The following NBPF15 variants were observed in gnomAD, a reference collection of about 807,000 sequenced individuals.
NBPF15 encodes the protein NBPF member 15.
A neutral mutation model predicts 62.2 loss-of-function variants in NBPF15; 74 were observed. The ratio of observed to expected loss-of-function variants is 1.19; its 90% CI spans 0.99 to 1.44. The LOEUF is 1.44. NBPF15 is among the 40% of genes most tolerant of loss of function. The pLI, the probability that NBPF15 is intolerant of heterozygous loss-of-function variation, is 0.00. For synonymous variants in NBPF15, 244 were observed against 209.7 expected (o/e 1.16, Z -1.41); for missense variants, 790 against 550.0 (o/e 1.44, Z -4.36).
At chr1:144,427,573 C>T (rs1220961871) in intron 16 of NBPF15, among the ~76,000 whole-genome samples, 10 of 147,232 alleles carry the variant, frequency 6.8e-5, no homozygotes, top group Admixed American at 2.0e-4. Context: ...CCAGGTCCAA[C>T]GTCATGAGAG....
intron 6 of NBPF15, among the ~76,000 whole-genome samples, chr1:144,445,356 C>T (rs55908578): frequency 0.18 from 10,032 of 54,400 alleles, 390 homozygotes; most frequent in Non-Finnish European, 0.22. Flanking sequence ...TATATATATA[C>T]ACACACACAC....
At chr1:144,442,235 T>TA (rs1683925431) in intron 6 of NBPF15, among the ~76,000 whole-genome samples, 1 of 117,980 alleles carries the variant, frequency 8.5e-6, no homozygotes, top group East Asian at 2.2e-4. Context: ...ATATTAATAA[T>TA]ATATATTATT....
At chr1:144,456,255 G>A (rs1165284746) in intron 4 of NBPF15, among the ~76,000 whole-genome samples, 1 of 151,776 alleles carries the variant, frequency 6.6e-6, no homozygotes, top group African/African-American at 2.4e-5. Context: ...GGAAGAGCAA[G>A]GAGTGGGATG....
chr1:144,456,625 C>G lies in NBPF15; in HGVS notation c.-520G>C. The G allele has an allele frequency of 1.3e-6, 2 of 1,495,784 alleles. No individual in the cohort carries two copies. Among genetic ancestry groups the G allele is most frequent in the Non-Finnish European group, 1.8e-6 (2 of 1,116,118 alleles). The allele number at this position is 1,495,784 out of a possible 1,614,324, so 92.7% of individuals were successfully genotyped here. On this transcript the variant is annotated 5_prime_UTR_variant, in exon 4 of 22. Coordinates refer to ENST00000581897, the MANE Select transcript of NBPF15 (RefSeq NM_001385408.1). Reference sequence around the variant, plus strand: ...TGGGGAAGTTTCTACATCAGTACCTCGGAGAGTCCACTGGAAGCCCTGGAC... The same window carrying G: ...TGGGGAAGTTTCTACATCAGTACCTGGGAGAGTCCACTGGAAGCCCTGGAC...
chr1:144,449,313 C>G (rs182361385), intron 5 of NBPF15, among the ~76,000 whole-genome samples: 1 of 151,924 alleles, frequency 6.6e-6, no homozygotes, highest in Non-Finnish European at 1.5e-5. Flanking sequence ...AAACATCTAC[C>G]TATTCTATGA....
rs1341738464 is a variant in NBPF15, at chr1:144,438,741, A to G, written c.176-694T>C. On this transcript the variant is annotated intron_variant, in intron 8 of 21. Transcript: ENST00000581897. ...TGTAATTCACTGCAGCAATTTACAG[A>G]GGTAGGTATTATTGTAGTACCCTCT... is the stretch of plus-strand genomic sequence containing the variant. Among the ~76,000 whole-genome samples the G allele has an allele frequency of 2.6e-4, 40 of 152,036 alleles. 1 individual carries two copies. Among genetic ancestry groups the G allele is most frequent in the Non-Finnish European group, 1.9e-4 (13 of 67,950 alleles).
At chr1:144,427,463 T>C (rs1289156700) in intron 16 of NBPF15, among the ~76,000 whole-genome samples, 1 of 150,200 alleles carries the variant, frequency 6.7e-6, no homozygotes, top group Admixed American at 6.6e-5. Flanking sequence ...TTGTTCATGG[T>C]AGCAAGGATT....
chr1:144,438,108 C>T (rs1168687646), intron 8 of NBPF15, 61 bp from the exon 9 acceptor site: 2 of 1,576,020 alleles, frequency 1.3e-6, no homozygotes, highest in African/African-American at 2.7e-5. Flanking sequence ...GTGGTCATTG[C>T]CTACAGGACA....
intron 6 of NBPF15, among the ~76,000 whole-genome samples, chr1:144,448,535 G>A (rs1204191871): frequency 6.6e-6 from 1 of 152,002 alleles, no homozygotes; most frequent in African/African-American, 2.4e-5. Flanking sequence ...GCAATATTTT[G>A]CAATAAAACC....
intron 3 of NBPF15, among the ~76,000 whole-genome samples, chr1:144,457,381 T>A (rs587755752): frequency 3.3e-4 from 50 of 152,068 alleles, no homozygotes; most frequent in Non-Finnish European, 5.9e-4. Flanking sequence ...CGCTAGGTTA[T>A]GCTACAGTAA....
rs1553538609 is a variant in NBPF15, at chr1:144,423,255, G to A, written c.1771C>T (p.Leu591Phe). The change falls in exon 22 of 22, where the codon CTC becomes TTC. Residue 591 changes from leucine to phenylalanine, a missense_variant and splice_region_variant. Coordinates refer to ENST00000581897, the MANE Select transcript of NBPF15 (RefSeq NM_001385408.1). ...TCCACTTCCATCAGCACGCCGTAGA[G>A]CCTGGAAAAGGAGACAAAACTAAAG... ...GEDDNPPCPR[L>F]YGVLMEVEEP... 1.9e-6 allele frequency: 3 copies of A among 1,611,400 alleles called. No homozygotes were observed. Among genetic ancestry groups the A allele is most frequent in the Non-Finnish European group, 2.5e-6 (3 of 1,179,574 alleles).
intron 6 of NBPF15, among the ~76,000 whole-genome samples, chr1:144,441,270 G>A (rs1467668677): frequency 1.4e-4 from 21 of 151,532 alleles, no homozygotes; most frequent in East Asian, 1.2e-3. Context: ...CAAAGTATTT[G>A]TATTGTTTTA....
chr1:144,450,462 G>A (rs1690372476), intron 5 of NBPF15, among the ~76,000 whole-genome samples: 1 of 151,856 alleles, frequency 6.6e-6, no homozygotes, highest in Admixed American at 6.6e-5. Context: ...ACAAGAATAG[G>A]AACTCTTTCA....
At chr1:144,440,384 C>G (rs1681861649) in intron 6 of NBPF15, 89 bp from the exon 7 acceptor site, 2 of 711,612 alleles carry the variant, frequency 2.8e-6, no homozygotes, top group Non-Finnish European at 4.5e-6. Context: ...TGCTGAAACA[C>G]AGGCACCCTA....
chr1:144,441,612 A>G (rs1463529642), intron 6 of NBPF15, among the ~76,000 whole-genome samples: 3 of 149,352 alleles, frequency 2.0e-5, no homozygotes, highest in East Asian at 2.0e-4. Context: ...ACAACAACAT[A>G]ATAAGGAGAA....
intron 17 of NBPF15, among the ~76,000 whole-genome samples, chr1:144,426,742 G>A (rs1470009415): frequency 7.9e-5 from 12 of 151,686 alleles, no homozygotes; most frequent in Admixed American, 7.2e-4. Flanking sequence ...AGTGCGCTCG[G>A]GACACACAAC....
rs1402066453 is a variant in NBPF15, at chr1:144,439,954, A to T, written c.50T>A (p.Ile17Asn). 1.2e-6 allele frequency: 2 copies of T among 1,610,904 alleles called. No homozygotes were observed. Among genetic ancestry groups the T allele is most frequent in the Non-Finnish European group, 1.7e-6 (2 of 1,178,694 alleles). ...PLSSEKAEMN[I>N]LEINEKLRPQ... Reference sequence around the variant, plus strand: ...GCGCAATTTCTCATTGATTTCTAGAATGTTCATCTCTGCCTTCTCGCTGGA... The same window carrying T: ...GCGCAATTTCTCATTGATTTCTAGATTGTTCATCTCTGCCTTCTCGCTGGA... The change falls in exon 8 of 22, where the codon ATT becomes AAT. Residue 17 changes from isoleucine to asparagine, a missense_variant. Transcript: ENST00000581897.
intron 19 of NBPF15, among the ~76,000 whole-genome samples, chr1:144,425,171 T>A (rs1158833240): frequency 3.1e-5 from 4 of 127,678 alleles, no homozygotes; most frequent in Admixed American, 7.9e-5. Context: ...GATGAGGGAG[T>A]AACAGGACAC....
intron 6 of NBPF15, among the ~76,000 whole-genome samples, chr1:144,443,296 T>G (rs1412849352): frequency 6.6e-6 from 1 of 152,052 alleles, no homozygotes; most frequent in Non-Finnish European, 1.5e-5. Context: ...TGAATCTGTA[T>G]TCTTTTACTT....
Sources: allele counts gnomAD v4.1 joint callset (sites outside exome capture counted in the v4.1 genomes callset), GRCh38; gene constraint gnomAD v4.1.1; transcripts MANE v1.5; gene names NCBI Gene and HGNC (gene_info 2026-07-23, HGNC 2026-07-21).